Variants in PIGA observed in about 807,000 individuals in gnomAD.
PIGA encodes phosphatidylinositol glycan anchor biosynthesis class A.
Under a neutral mutation model 17.1 loss-of-function variants are expected in PIGA, and 3 were observed. The observed-to-expected ratio is 0.18, with a 90% confidence interval of 0.08 to 0.45. The LOEUF is 0.45. PIGA is among the 20% of genes least tolerant of loss of function. The probability of loss-of-function intolerance (pLI) is 0.99; values close to 1 mark genes in which losing one functional copy is unlikely to be tolerated. For missense variants in PIGA, 231 were observed against 374.1 expected, an observed-to-expected ratio of 0.62 and a Z score of 3.16; for synonymous variants, 126 against 135.1, an observed-to-expected ratio of 0.93 and a Z score of 0.47.
At chrX:15,325,889 A>G in intron 3 of PIGA, 25 bp downstream of exon 3, 1 of 1,177,971 alleles carries the variant, frequency 8.5e-7, no homozygotes, top group Non-Finnish European at 1.1e-6. Flanking sequence ...CTTCTCCCTC[A>G]AGACAACATG....
At chrX:15,325,763 T>C in intron 3 of PIGA, 151 bp downstream of exon 3, 1 of 360,547 alleles carries the variant, frequency 2.8e-6, no homozygotes, top group Non-Finnish European at 4.7e-6. Flanking sequence ...TATAAAAATT[T>C]TGAAAACAGT....
intron 5 of PIGA, 88 bp downstream of exon 5, chrX:15,324,577 G>A (rs1921913430): frequency 1.5e-6 from 1 of 670,998 alleles, no homozygotes; most frequent in African/African-American, 2.2e-5. Context: ...GAACAAAAAT[G>A]GTAAACATCT....
chrX:15,329,149 C>A lies in PIGA; in HGVS notation c.715+2067G>T, dbSNP rs771651858. ...TTTAGGCCACTCCCTAGCACACTGG[C>A]ACACCACTGAATTCAGTGCTTGTCA... is the stretch of plus-strand genomic sequence containing the variant. On this transcript the variant is annotated intron_variant, in intron 2 of 5. Transcript: ENST00000333590. 3.6e-5 allele frequency among the ~76,000 whole-genome samples: 4 copies of A among 112,464 alleles called. No individual in the cohort carries two copies. The East Asian group carries it at 1.1e-3, about 31-fold the overall frequency.
At chrX:15,333,501 A>G (rs1399909604) in intron 1 of PIGA, among the ~76,000 whole-genome samples, 1 of 111,267 alleles carries the variant, frequency 9.0e-6, no homozygotes, top group African/African-American at 3.3e-5. Flanking sequence ...GCCAACATGA[A>G]GAAACCTCAT....
intron 2 of PIGA, chrX:15,326,501 T>C (rs6527487): frequency 0.34 from 37,198 of 110,962 alleles, 4,771 homozygotes; most frequent in South Asian, 0.56. Context: ...AAAATAAAGA[T>C]ACCTATGTAC....
chrX:15,325,847 T>G lies in PIGA; in HGVS notation c.848+67A>C, dbSNP rs1482303819. 3.6e-5 allele frequency: 32 copies of G among 893,464 alleles called. 1 individual carries two copies. Among genetic ancestry groups the G allele is most frequent in the Non-Finnish European group, 1.6e-6 (1 of 640,191 alleles). 73.6% of individuals were successfully genotyped at this position (893,464 alleles called of 1,213,427 possible). A position where few individuals can be genotyped will look rare whatever the true frequency, so the allele number is the denominator to read the frequency against. ...AGAAGCAACACACCTAAGGTACGCATGCAGTTAAAACCAAATAGAGATAAT... is the reference window on the plus strand; with the variant it reads ...AGAAGCAACACACCTAAGGTACGCAGGCAGTTAAAACCAAATAGAGATAAT... On this transcript the variant is annotated intron_variant, in intron 3 of 5. Coordinates refer to ENST00000333590, the MANE Select transcript of PIGA (RefSeq NM_002641.4).
intron 2 of PIGA, among the ~76,000 whole-genome samples, chrX:15,329,413 C>T (rs770179893): frequency 4.5e-5 from 5 of 111,196 alleles, no homozygotes; most frequent in African/African-American, 1.3e-4. Context: ...TCAGTTCATA[C>T]GCCTTTAAGT....
intron 2 of PIGA, 48 bp from the exon 3 acceptor site, chrX:15,326,094 A>C: frequency 1.1e-6 from 1 of 900,365 alleles, no homozygotes; most frequent in Non-Finnish European, 1.6e-6. Flanking sequence ...TTAAACTTAA[A>C]AAAATTCACC....
At chrX:15,323,435 C>T (rs1921875289) in intron 5 of PIGA, among the ~76,000 whole-genome samples, 1 of 110,979 alleles carries the variant, frequency 9.0e-6, no homozygotes, top group African/African-American at 3.3e-5. Context: ...GGCAGGGGGA[C>T]ATCAAGATGG....
chrX:15,320,905 G>A lies in PIGA; in HGVS notation c.*601C>T, dbSNP rs1382557822. 2 of 111,330 alleles carry A rather than the reference G, an allele frequency of 1.8e-5. No homozygotes were observed. The highest frequency in any genetic ancestry group is 3.3e-5 in the African/African-American group (1 of 30,539). The allele number at this position is 111,330 out of a possible 1,213,427, so 9.2% of individuals were successfully genotyped here. A position where few individuals can be genotyped will look rare whatever the true frequency, so the allele number is the denominator to read the frequency against. On this transcript the variant is annotated 3_prime_UTR_variant, in exon 6 of 6. Coordinates refer to ENST00000333590, the MANE Select transcript of PIGA (RefSeq NM_002641.4). The stretch of plus-strand genomic sequence containing the variant: ...GAATGCACCCCTGGTCCTTAATGGC[G>A]GGAAGCATCTAGTTCAACATTCTAC...
intron 1 of PIGA, among the ~76,000 whole-genome samples, chrX:15,334,999 G>A (rs142514131): frequency 0.042 from 4,732 of 111,883 alleles, 100 homozygotes; most frequent in Middle Eastern, 0.1. Flanking sequence ...ACGAGCCCTG[G>A]GCAATCATTA....
rs757482806 is a variant in PIGA at position 15,331,631 on chromosome X, C to A, written c.300G>T (p.Gln100His). The change falls in exon 2 of 6, where the codon CAG (glutamine) becomes CAT (histidine). Residue 100 changes from glutamine to histidine, a missense_variant. Physicochemically the swap from Gln to His is conservative, Grantham distance 24 (BLOSUM62 0). Transcript: ENST00000333590. ...TGTGAAAGAGGGTCGTGGCTGTAGA[C>A]TGGTTGTACATGACTTTCAGAGGCA... ...YYLPLKVMYN[Q>H]STATTLFHSL... 2 of 1,211,658 alleles carry A rather than the reference C, an allele frequency of 1.7e-6. No individual in the cohort carries two copies. The highest frequency in any genetic ancestry group is 5.9e-5 in the East Asian group (2 of 33,858).
chrX:15,330,197 C>T (rs2147722566), intron 2 of PIGA, among the ~76,000 whole-genome samples: 1 of 112,067 alleles, frequency 8.9e-6, no homozygotes, highest in Admixed American at 9.4e-5. Context: ...ATGTTGCTTA[C>T]ATTACACAAA....
Position 15,325,077 on chromosome X carries a change from G to A in PIGA, c.924C>T (p.Thr308=), listed in dbSNP as rs144162396. The change falls in exon 4 of 6, where the codon ACC becomes ACT. Residue 308 remains threonine (T), a synonymous_variant. Transcript: ENST00000333590. ...CCATGCAGAATGCTTCAGTAAGGGA[G>A]GTATTCAGAAAAATATGTCCTTGAA... ...VLVQGHIFLN[T]SLTEAFCMAI... 8.3e-6 allele frequency: 10 copies of A among 1,204,444 alleles called. No individual in the cohort carries two copies. In the African/African-American group the frequency reaches 1.2e-4, roughly 15 times the overall value.
At chrX:15,326,282 A>T (rs1265280515) in intron 2 of PIGA, 3 of 228,637 alleles carry the variant, frequency 1.3e-5, no homozygotes, top group Non-Finnish European at 2.3e-5. Flanking sequence ...CACACCCAAA[A>T]TATGGACTAT....
chrX:15,325,149 C>A lies in PIGA; in HGVS notation c.852G>T (p.Val284=). 8.5e-7 allele frequency: 1 copy of A among 1,176,830 alleles called. No homozygotes were observed. Among genetic ancestry groups the A allele is most frequent in the Non-Finnish European group, 1.1e-6 (1 of 880,677 alleles). The change falls in exon 4 of 6, where the codon GTG becomes GTT. Residue 284 remains valine, a synonymous_variant. Coordinates refer to ENST00000333590, the MANE Select transcript of PIGA (RefSeq NM_002641.4). The part of the protein sequence containing the change: ...VRERYQLHDR[V]RLLGALEHKD... ...TGTGTTCTAAAGCTCCCAAAAGACG[C>A]ACCCTGATTTTTTAAATGAGAGGGG...
chrX:15,332,426 A>G (rs1922194512), intron 1 of PIGA, among the ~76,000 whole-genome samples: 1 of 112,454 alleles, frequency 8.9e-6, no homozygotes, highest in African/African-American at 3.2e-5. Flanking sequence ...AGACTCTTCT[A>G]TATCTTATTG....
chrX:15,334,855 A>T (rs1204307680), intron 1 of PIGA, among the ~76,000 whole-genome samples: 1 of 112,345 alleles, frequency 8.9e-6, no homozygotes, highest in African/African-American at 3.2e-5. Flanking sequence ...AGCCGAAATG[A>T]GGCTTGGAGC....
chrX:15,329,813 A>G (rs919754917), intron 2 of PIGA, among the ~76,000 whole-genome samples: 1 of 111,738 alleles, frequency 8.9e-6, no homozygotes, highest in African/African-American at 3.3e-5. Flanking sequence ...GGCCAGGTGC[A>G]GTGGCTCACG....
Sources: allele counts gnomAD v4.1 joint callset (sites outside exome capture counted in the v4.1 genomes callset), GRCh38; gene constraint gnomAD v4.1.1; transcripts MANE v1.5; gene names NCBI Gene and HGNC (gene_info 2026-07-23, HGNC 2026-07-21).